Variants in NUP42 observed in about 807,000 individuals in gnomAD.
The protein encoded by NUP42 is nucleoporin 42.
In NUP42, 47 loss-of-function variants were observed where a neutral mutation model predicts 35.9. That is an observed-to-expected ratio of 1.31 (90% confidence interval 1.04 to 1.67). The LOEUF is 1.67. NUP42 is among the 40% of genes most tolerant of loss of function. NUP42 has a pLI of 0.00. For missense variants in NUP42, 514 were observed against 492.2 expected (o/e 1.04, Z -0.42); for synonymous variants, 173 against 173.3 (o/e 1.00, Z 0.01).
intron 3 of NUP42, among the ~76,000 whole-genome samples, chr7:23,193,500 A>G (rs1472761817): frequency 6.6e-6 from 1 of 152,144 alleles, no homozygotes; most frequent in Non-Finnish European, 1.5e-5. Context: ...AGCTAGATAC[A>G]GTGTTGATTG....
In NUP42 at chr7:23,196,041, T is replaced by C. The variant is rs937942659; in HGVS notation, c.522+126T>C. 2.1e-5 allele frequency: 9 copies of C among 427,932 alleles called. No individual in the cohort carries two copies. In the Admixed American group the frequency reaches 3.4e-4, roughly 16 times the overall value. The allele number at this position is 427,932 out of a possible 1,614,324, so 26.5% of individuals were successfully genotyped here. ...GATCTTTTTTCAGGAGTAGGCTATT[T>C]TTCTTTTCTATATTATTTTCATTGA... On this transcript the variant is annotated intron_variant, in intron 4 of 6. Coordinates refer to ENST00000258742, the MANE Select transcript of NUP42 (RefSeq NM_007342.3).
At chr7:23,190,249 A>C (rs970506221) in intron 3 of NUP42, among the ~76,000 whole-genome samples, 1 of 152,346 alleles carries the variant, frequency 6.6e-6, no homozygotes, top group South Asian at 2.1e-4. Flanking sequence ...GTGAATGCCC[A>C]TTTTCTTCAT....
rs1785422606 is a variant in NUP42, at chr7:23,182,091, C to T, written c.6C>T (p.Ala2=). 4 of 1,613,996 alleles carry T rather than the reference C, an allele frequency of 2.5e-6. No individual in the cohort carries two copies. Among genetic ancestry groups the T allele is most frequent in the Non-Finnish European group, 2.5e-6 (3 of 1,180,028 alleles). The change falls in exon 1 of 7, where the codon GCC becomes GCT. Residue 2 remains alanine, a synonymous_variant. Coordinates refer to ENST00000258742, the MANE Select transcript of NUP42 (RefSeq NM_007342.3). ...CCGTCAGCGACGCCGTCGCAATGGCCATTTGTCAATTCTTCCTTCAAGGCC... is the reference window on the plus strand; with the variant it reads ...CCGTCAGCGACGCCGTCGCAATGGCTATTTGTCAATTCTTCCTTCAAGGCC... M[A]ICQFFLQGRC...
intron 3 of NUP42, chr7:23,188,363 G>A: frequency 9.0e-7 from 1 of 1,105,872 alleles, no homozygotes; most frequent in Non-Finnish European, 1.1e-6. Context: ...CTTGAGGGAG[G>A]AAAACAATAA....
In NUP42 at chr7:23,200,417, G is replaced by A. The variant is rs757255600; in HGVS notation, c.944G>A (p.Gly315Glu). 2 of 1,614,166 alleles carry A rather than the reference G, an allele frequency of 1.2e-6. No homozygotes were observed. The highest frequency in any genetic ancestry group is 1.7e-5 in the Admixed American group (1 of 60,014). The part of the protein sequence containing the change: ...SPAASSFGSP[G>E]FSGLPASLAT... ...GCAGCTTCCAGTTTTGGATCACCTGGATTTTCAGGACTTCCAGCTTCCTTG... is the reference window on the plus strand; with the variant it reads ...GCAGCTTCCAGTTTTGGATCACCTGAATTTTCAGGACTTCCAGCTTCCTTG... Residue 315 changes from glycine (G) to glutamate (E), a missense_variant, in exon 7 of 7, where the codon GGA becomes GAA. Coordinates refer to ENST00000258742, the MANE Select transcript of NUP42 (RefSeq NM_007342.3).
chr7:23,198,969 A>C (rs1786111271), intron 5 of NUP42, among the ~76,000 whole-genome samples: 1 of 152,234 alleles, frequency 6.6e-6, no homozygotes, highest in Admixed American at 6.5e-5. Context: ...ATCACTGTTA[A>C]CTTACTAATG....
chr7:23,198,430 C>T (rs144633272), intron 5 of NUP42: 3,842 of 151,934 alleles, frequency 0.025, 73 homozygotes, highest in Non-Finnish European at 0.04. Flanking sequence ...AGGATGGTCT[C>T]GATCTTCTGA....
Position 23,182,155 on chromosome 7 carries a change from G to C in NUP42, c.70G>C (p.Gly24Arg). ...AGATCGGTGCTGGAACGAACATCCC[G>C]GTGCTAGGGGTGCAGGAGGAGGACG... Reference protein sequence around the residue: ...FGDRCWNEHPGARGAGGGRQQ... With the variant: ...FGDRCWNEHPRARGAGGGRQQ... The change falls in exon 1 of 7, where the codon GGT becomes CGT. Residue 24 changes from glycine to arginine, a missense_variant. Gly to Arg is a moderately radical substitution (Grantham distance 125). Transcript: ENST00000258742. The C allele has an allele frequency of 6.2e-7, 1 of 1,614,074 alleles. No individual in the cohort carries two copies. Among genetic ancestry groups the C allele is most frequent in the African/African-American group, 1.3e-5 (1 of 75,060 alleles).
At chr7:23,184,948 G>A (rs2128472369) in intron 1 of NUP42, 122 bp from the exon 2 acceptor site, 1 of 773,200 alleles carries the variant, frequency 1.3e-6, no homozygotes, top group African/African-American at 1.8e-5. Context: ...TGAGGTTACA[G>A]TGAGCCAAGA....
At chr7:23,184,453 A>C (rs868160042) in intron 1 of NUP42, among the ~76,000 whole-genome samples, 1 of 152,144 alleles carries the variant, frequency 6.6e-6, no homozygotes, top group African/African-American at 2.4e-5. Context: ...TCAACTTTTA[A>C]CTATCAAGCA....
rs769693804 is a variant in NUP42 at position 23,196,689 on chromosome 7, G to C, written c.532G>C (p.Val178Leu). The change falls in exon 5 of 7, where the codon GTC becomes CTC. Residue 178 changes from valine (V) to leucine (L), a missense_variant. Val to Leu is a conservative substitution (Grantham distance 32). Transcript: ENST00000258742. ...TGTCTTCCGTTTTCAGCTAAATTCT[G>C]TCCAACGTTTAATAAATCAATGGAG... is the stretch of plus-strand genomic sequence containing the variant. ...SNNLQSYLNS[V>L]QRLINQWRNR... is the part of the protein sequence containing the mutation. The C allele has an allele frequency of 6.2e-7, 1 of 1,608,956 alleles. No individual in the cohort carries two copies. Among genetic ancestry groups the C allele is most frequent in the Non-Finnish European group, 8.5e-7 (1 of 1,175,768 alleles).
In NUP42 at chr7:23,187,130, G is replaced by C; in HGVS notation, c.429G>C (p.Lys143Asn). Residue 143 changes from lysine to asparagine, a missense_variant, in exon 3 of 7, where the codon AAG becomes AAC. By Grantham distance (94) the Lys-to-Asn change is moderately conservative. Transcript: ENST00000258742. ...TTTCTGTTTATTCACCAGTGAAAAA[G>C]AAACCTAATATTTCAGGTAACTGAA... ...WMFSVYSPVK[K>N]KPNISGFTDI... 6.2e-7 allele frequency: 1 copy of C among 1,605,514 alleles called. No homozygotes were observed.
At chr7:23,185,354 C>A in intron 2 of NUP42, 56 bp downstream of exon 2, 1 of 1,167,702 alleles carries the variant, frequency 8.6e-7, no homozygotes, top group Non-Finnish European at 1.2e-6. Context: ...TTTTCACCTA[C>A]AATCTTTGTT....
At chr7:23,194,010 G>C (rs1225380623) in intron 3 of NUP42, among the ~76,000 whole-genome samples, 1 of 152,240 alleles carries the variant, frequency 6.6e-6, no homozygotes, top group African/African-American at 2.4e-5. Context: ...GGGCCAGCCG[G>C]CAGCTCTGAG....
At chr7:23,194,131 A>T (rs1266567199) in intron 3 of NUP42, among the ~76,000 whole-genome samples, 1 of 152,140 alleles carries the variant, frequency 6.6e-6, no homozygotes, top group African/African-American at 2.4e-5. Flanking sequence ...CTGCAAGCTG[A>T]GGGAGCCAGC....
intron 5 of NUP42, among the ~76,000 whole-genome samples, chr7:23,197,706 C>A (rs1488009214): frequency 6.6e-6 from 1 of 152,196 alleles, no homozygotes; most frequent in African/African-American, 2.4e-5. Context: ...TGGGACAACC[C>A]ACCCATAGCT....
rs1311373086 is a variant in NUP42 at position 23,200,471 on chromosome 7, C to T, written c.998C>T (p.Ala333Val). ...ACAGGTCCTGTCAGAGCTCCAGTGG[C>T]CCCAGCCTTTGGAGGTGGCAGTTCT... is the stretch of plus-strand genomic sequence containing the variant. ...LATGPVRAPV[A>V]PAFGGGSSVA... Residue 333 changes from alanine (A) to valine (V), a missense_variant, in exon 7 of 7, where the codon GCC (alanine) becomes GTC (valine). Physicochemically the swap from Ala to Val is moderately conservative, Grantham distance 64. Transcript: ENST00000258742. The T allele has an allele frequency of 6.2e-7, 1 of 1,614,072 alleles. No homozygotes were observed. Among genetic ancestry groups the T allele is most frequent in the Non-Finnish European group, 8.5e-7 (1 of 1,180,032 alleles).
intron 6 of NUP42, 106 bp downstream of exon 6, chr7:23,199,648 T>A: frequency 1.1e-6 from 1 of 944,780 alleles, no homozygotes; most frequent in Non-Finnish European, 1.7e-6. Flanking sequence ...TCGTAAATTC[T>A]ACAACCTTCC....
At chr7:23,191,845 A>G (rs1785803827) in intron 3 of NUP42, among the ~76,000 whole-genome samples, 1 of 152,036 alleles carries the variant, frequency 6.6e-6, no homozygotes, top group African/African-American at 2.4e-5. Context: ...GCACATTCCT[A>G]TAGTCCCAGC....
Sources: gnomAD v4.1 joint callset for allele counts (sites outside exome capture counted in the v4.1 genomes callset) on GRCh38, gnomAD v4.1.1 for gene constraint, MANE v1.5 for transcripts, NCBI Gene and HGNC (gene_info 2026-07-23, HGNC 2026-07-21) for gene names.